Variants in VEPH1 observed in about 807,000 individuals in gnomAD.
The protein encoded by VEPH1 is ventricular zone-expressed PH domain-containing protein homolog 1.
In VEPH1, 80 loss-of-function variants were observed where a neutral mutation model predicts 85.2. The observed-to-expected ratio is 0.94, with a 90% confidence interval of 0.78 to 1.13. The LOEUF (loss-of-function observed/expected upper bound fraction) is 1.13, where lower values mean the gene tolerates loss of function less well. Among genes scored for constraint, VEPH1 ranks in the 50% most tolerant of loss-of-function variants. The pLI is 0.00. For synonymous variants in VEPH1, 297 were observed against 348.0 expected, an observed-to-expected ratio of 0.85 and a Z score of 1.63; for missense variants, 955 against 980.5, an observed-to-expected ratio of 0.97 and a Z score of 0.35.
At chr3:157,369,180 G>GGAA (rs1553773035) in intron 7 of VEPH1, among the ~76,000 whole-genome samples, 1 of 42,780 alleles carries the variant, frequency 2.3e-5, no homozygotes, top group Non-Finnish European at 4.0e-5. Flanking sequence ...AAAACCAAAT[G>GGAA]AAAAAAAAAA....
intron 3 of VEPH1, among the ~76,000 whole-genome samples, chr3:157,464,212 T>C (rs534551903): frequency 2.8e-4 from 43 of 152,312 alleles, no homozygotes; most frequent in African/African-American, 9.4e-4. Context: ...ACCTATGCAA[T>C]TTCTTGGGTT....
At chr3:157,338,777 T>A (rs1566520) in intron 9 of VEPH1, among the ~76,000 whole-genome samples, 36,455 of 152,148 alleles carry the variant, frequency 0.24, 4,871 homozygotes, top group South Asian at 0.33. Context: ...ACAGAAAGAT[T>A]GTGATTCAGT....
chr3:157,351,938 G>T (rs779653219), intron 9 of VEPH1, among the ~76,000 whole-genome samples: 7 of 152,208 alleles, frequency 4.6e-5, no homozygotes, highest in Non-Finnish European at 1.0e-4. Flanking sequence ...AATGAAAAAT[G>T]TCCCTAGACA....
chr3:157,488,909 G>GTT (rs1738931611), intron 2 of VEPH1: 1 of 113,600 alleles, frequency 8.8e-6, no homozygotes, highest in Non-Finnish European at 1.7e-5. Flanking sequence ...TCTTAAGTTC[G>GTT]TTCTCTCTCT....
intron 11 of VEPH1, among the ~76,000 whole-genome samples, chr3:157,303,624 C>G (rs1371444064): frequency 6.6e-6 from 1 of 152,200 alleles, no homozygotes; most frequent in Admixed American, 6.5e-5. Flanking sequence ...GTGTCCCAGA[C>G]ATTTGCCTCT....
intron 2 of VEPH1, among the ~76,000 whole-genome samples, chr3:157,479,132 GA>G (rs1737770279): frequency 6.6e-6 from 1 of 152,132 alleles, no homozygotes; most frequent in Admixed American, 6.6e-5. Flanking sequence ...TTGCATTCCA[GA>G]AAATATCATG....
At chr3:157,376,255 G>T (rs912443283) in intron 7 of VEPH1, among the ~76,000 whole-genome samples, 4 of 152,030 alleles carry the variant, frequency 2.6e-5, no homozygotes, top group Non-Finnish European at 4.4e-5. Flanking sequence ...GTGACAAATT[G>T]CCCCCATTCT....
chr3:157,442,170 G>A (rs1734175090), intron 4 of VEPH1, among the ~76,000 whole-genome samples: 1 of 152,120 alleles, frequency 6.6e-6, no homozygotes, highest in South Asian at 2.1e-4. Context: ...CATTGGATAA[G>A]ACAATTGGCT....
chr3:157,424,063 G>A (rs1256212068), intron 5 of VEPH1, among the ~76,000 whole-genome samples: 1 of 152,138 alleles, frequency 6.6e-6, no homozygotes, highest in Non-Finnish European at 1.5e-5. Context: ...ATGTTGAATT[G>A]TACTCCCATA....
intron 9 of VEPH1, among the ~76,000 whole-genome samples, chr3:157,359,136 A>G (rs553829774): frequency 6.6e-6 from 1 of 152,250 alleles, no homozygotes; most frequent in East Asian, 1.9e-4. Context: ...TTTTCACCCA[A>G]TCAGGAAATA....
At chr3:157,492,304 C>T (rs890240164) in intron 2 of VEPH1, among the ~76,000 whole-genome samples, 1 of 152,192 alleles carries the variant, frequency 6.6e-6, no homozygotes, top group African/African-American at 2.4e-5. Context: ...GAATTCTGAT[C>T]CGTACGAGTT....
chr3:157,478,445 T>C lies in VEPH1; in HGVS notation c.139-7916A>G, dbSNP rs139330078. On this transcript the variant is annotated intron_variant, in intron 2 of 13. Transcript: ENST00000362010. ...TTTATATAGATGACACTGAGAAGCA[T>C]AGCAAACAATGTCCAAATAATAGTT... Among the ~76,000 whole-genome samples, 90 of 152,236 alleles carry C rather than the reference T, an allele frequency of 5.9e-4. 1 individual carries two copies. In the East Asian group the frequency reaches 0.017, roughly 28 times the overall value.
intron 13 of VEPH1, 147 bp downstream of exon 13, chr3:157,265,379 A>C (rs551755922): frequency 2.3e-6 from 2 of 884,580 alleles, no homozygotes; most frequent in South Asian, 2.0e-5. Context: ...CAGACTAGAC[A>C]CAGAAATGTG....
Position 157,272,974 on chromosome 3 carries a change from A to G in VEPH1, c.2129-7312T>C, listed in dbSNP as rs192419522. Among the ~76,000 whole-genome samples, 132 of 152,322 alleles carry G rather than the reference A, an allele frequency of 8.7e-4. 1 individual carries two copies. The South Asian group carries it at 0.014, about 16-fold the overall frequency. Reference sequence around the variant, plus strand: ...TGCCAATTTGCAGGTAGTTTGTACTACAGACATGGTGGTGATTCCCTTATT... The same window carrying G: ...TGCCAATTTGCAGGTAGTTTGTACTGCAGACATGGTGGTGATTCCCTTATT... On this transcript the variant is annotated intron_variant, in intron 12 of 13. Coordinates refer to ENST00000362010, the MANE Select transcript of VEPH1 (RefSeq NM_001167912.2).
chr3:157,334,105 C>T lies in VEPH1; in HGVS notation c.1736-16904G>A, dbSNP rs569755342. Among the ~76,000 whole-genome samples, 87 of 152,276 alleles carry T rather than the reference C, an allele frequency of 5.7e-4. 1 individual carries two copies. Among genetic ancestry groups the T allele is most frequent in the Admixed American group, 4.7e-3 (72 of 15,294 alleles). On this transcript the variant is annotated intron_variant, in intron 9 of 13. Coordinates refer to ENST00000362010, the MANE Select transcript of VEPH1 (RefSeq NM_001167912.2). ...ACGTAGTGTGTATCAAACTCATTGACGCTCCTGTTAGAAGTGGCCTTTAGC... is the reference window on the plus strand; with the variant it reads ...ACGTAGTGTGTATCAAACTCATTGATGCTCCTGTTAGAAGTGGCCTTTAGC...
intron 11 of VEPH1, among the ~76,000 whole-genome samples, chr3:157,307,651 C>T (rs1338948644): frequency 2.6e-5 from 4 of 151,748 alleles, no homozygotes. Flanking sequence ...TCTTTCTGTA[C>T]CATAAAAATT....
intron 9 of VEPH1, among the ~76,000 whole-genome samples, chr3:157,341,829 G>A (rs1314128437): frequency 1.4e-4 from 21 of 151,512 alleles, no homozygotes; most frequent in East Asian, 3.9e-4. Context: ...CTGATCTCTC[G>A]GCAGAAACTC....
At chr3:157,480,019 T>C (rs923427098) in intron 2 of VEPH1, among the ~76,000 whole-genome samples, 8 of 141,868 alleles carry the variant, frequency 5.6e-5, no homozygotes, top group Admixed American at 3.0e-4. Flanking sequence ...TTCTTTCTTT[T>C]CTCTTTCTTT....
At chr3:157,383,750 A>G (rs374754219) in intron 6 of VEPH1, among the ~76,000 whole-genome samples, 1 of 152,356 alleles carries the variant, frequency 6.6e-6, no homozygotes. Context: ...AAAGACATCT[A>G]TTCATCAAAG....
Sources: gnomAD v4.1 joint callset for allele counts (sites outside exome capture counted in the v4.1 genomes callset) on GRCh38, gnomAD v4.1.1 for gene constraint, MANE v1.5 for transcripts, NCBI Gene and HGNC (gene_info 2026-07-23, HGNC 2026-07-21) for gene names.